DMXL1: variants seen among roughly 807,000 people sequenced by gnomAD.
DMXL1 encodes dmX-like protein 1.
In DMXL1, 99 loss-of-function variants were observed where a neutral mutation model predicts 319.2. That is an observed-to-expected ratio of 0.31 (90% CI 0.26 to 0.37). The LOEUF is 0.37. DMXL1 is among the 10% of genes least tolerant of loss of function. The pLI is 1.00. For synonymous variants in DMXL1, 1,385 were observed against 1,235.2 expected (o/e 1.12, Z -2.54); for missense variants, 3,745 against 3,595.6 (o/e 1.04, Z -1.06).
intron 1 of DMXL1, among the ~76,000 whole-genome samples, chr5:119,081,095 A>G (rs1752093512): frequency 6.6e-6 from 1 of 152,174 alleles, no homozygotes; most frequent in Non-Finnish European, 1.5e-5. Flanking sequence ...TTGCATTCCA[A>G]ACAGCTGGCA....
chr5:119,084,883 A>G (rs1753006166), intron 1 of DMXL1, among the ~76,000 whole-genome samples: 1 of 149,674 alleles, frequency 6.7e-6, no homozygotes, highest in South Asian at 2.1e-4. Flanking sequence ...AAAAAAAAAG[A>G]TCCTAAAATT....
At position 119,170,902 on chromosome 5, in the gene DMXL1, C is replaced by A. The variant is rs1774412659; in HGVS notation, c.6111C>A (p.Leu2037=). The change falls in exon 24 of 44, where the codon CTC becomes CTA. Residue 2037 remains leucine, a synonymous_variant. Transcript: ENST00000539542. ...QLKFRACLKI[L]TVELRTLSTG... ...AATTTAGAGCATGTTTAAAGATTCTCACAGTAGAACTTCGTACTTTATCTA... is the reference window on the plus strand; with the variant it reads ...AATTTAGAGCATGTTTAAAGATTCTAACAGTAGAACTTCGTACTTTATCTA... 1.2e-6 allele frequency: 2 copies of A among 1,612,824 alleles called. No individual in the cohort carries two copies.
intron 29 of DMXL1, among the ~76,000 whole-genome samples, chr5:119,192,958 A>G (rs1778953322): frequency 6.6e-6 from 1 of 152,122 alleles, no homozygotes; most frequent in South Asian, 2.1e-4. Context: ...TGTTCTCCAA[A>G]TCTATCAGCA....
At chr5:119,219,870 G>C (rs1319181092) in intron 35 of DMXL1, among the ~76,000 whole-genome samples, 1 of 152,022 alleles carries the variant, frequency 6.6e-6, no homozygotes, top group Non-Finnish European at 1.5e-5. Flanking sequence ...CCCCAGCCAA[G>C]ATGTACATTT....
At chr5:119,175,468 G>C in intron 26 of DMXL1, 131 bp downstream of exon 26, 3 of 617,318 alleles carry the variant, frequency 4.9e-6, no homozygotes, top group Non-Finnish European at 7.8e-6. Context: ...TTGAGGTTTT[G>C]AGTACTTTTT....
At chr5:119,132,798 T>C in intron 10 of DMXL1, 1 of 549,954 alleles carries the variant, frequency 1.8e-6, no homozygotes, top group Non-Finnish European at 3.6e-6. Context: ...ACTTGGTAGG[T>C]GTTATGGTAA....
At chr5:119,203,616 A>G (rs1411788249) in intron 33 of DMXL1, among the ~76,000 whole-genome samples, 180 bp downstream of exon 33, 1 of 151,976 alleles carries the variant, frequency 6.6e-6, no homozygotes, top group Non-Finnish European at 1.5e-5. Flanking sequence ...AATCAATTTA[A>G]TTAATTCAAA....
At chr5:119,219,545 G>T (rs1052071483) in intron 35 of DMXL1, among the ~76,000 whole-genome samples, 1 of 151,136 alleles carries the variant, frequency 6.6e-6, no homozygotes, top group Non-Finnish European at 1.5e-5. Flanking sequence ...CTGTTTCAAA[G>T]ATACACATTT....
chr5:119,135,900 G>GCTATAA lies in DMXL1; in HGVS notation c.2376+1511_2376+1512insCTATAA, dbSNP rs1239140679. Among the ~76,000 whole-genome samples the GCTATAA allele has an allele frequency of 8.5e-5, 13 of 152,172 alleles. No homozygotes were observed. The East Asian group carries it at 2.3e-3, about 27-fold the overall frequency. ...ACTACAGATAATTGGTACCAGGAGTGGGGCACTGCTATAAGGATAACCCAA... is the reference window on the plus strand; with the variant it reads ...ACTACAGATAATTGGTACCAGGAGTGCTATAAGGGCACTGCTATAAGGATAACCCAA... On this transcript the variant is annotated intron_variant, in intron 13 of 43. Coordinates refer to ENST00000539542, the MANE Select transcript of DMXL1 (RefSeq NM_001290321.3).
At chr5:119,093,573 A>G (rs1755279350) in intron 1 of DMXL1, among the ~76,000 whole-genome samples, 1 of 152,228 alleles carries the variant, frequency 6.6e-6, no homozygotes. Flanking sequence ...ATGAATAGTG[A>G]CAACCCTACA....
At chr5:119,142,900 G>A (rs1049154635) in intron 13 of DMXL1, among the ~76,000 whole-genome samples, 2 of 152,074 alleles carry the variant, frequency 1.3e-5, no homozygotes, top group African/African-American at 4.8e-5. Flanking sequence ...CATGGGTGGA[G>A]CTGGCATTCA....
chr5:119,148,617 A>G, intron 17 of DMXL1, 122 bp from the exon 18 acceptor site: 1 of 924,228 alleles, frequency 1.1e-6, no homozygotes, highest in South Asian at 1.7e-5. Context: ...TACAGCCAAG[A>G]TGCCCCTTTG....
intron 1 of DMXL1, among the ~76,000 whole-genome samples, chr5:119,084,969 G>A (rs1222248949): frequency 6.6e-6 from 1 of 151,430 alleles, no homozygotes; most frequent in Non-Finnish European, 1.5e-5. Flanking sequence ...TTTTTTGTGT[G>A]TCTGCATCAA....
chr5:119,083,653 T>C (rs566395697), intron 1 of DMXL1, among the ~76,000 whole-genome samples: 1 of 152,202 alleles, frequency 6.6e-6, no homozygotes, highest in Non-Finnish European at 1.5e-5. Flanking sequence ...GCGATTCTCC[T>C]GCCTCTGCCT....
At chr5:119,118,163 AAGG>A (rs1325228666) in intron 7 of DMXL1, among the ~76,000 whole-genome samples, 1 of 152,202 alleles carries the variant, frequency 6.6e-6, no homozygotes, top group Non-Finnish European at 1.5e-5. Context: ...AAGGATGACT[AAGG>A]AGGGGGAAGT....
At chr5:119,123,196 G>T (rs1028386028) in intron 9 of DMXL1, among the ~76,000 whole-genome samples, 2 of 151,896 alleles carry the variant, frequency 1.3e-5, no homozygotes, top group African/African-American at 4.8e-5. Flanking sequence ...GCAGGCACTC[G>T]GCAGGCTGAG....
intron 37 of DMXL1, among the ~76,000 whole-genome samples, chr5:119,223,526 A>G (rs1034830168): frequency 6.6e-6 from 1 of 152,184 alleles, no homozygotes; most frequent in Non-Finnish European, 1.5e-5. Flanking sequence ...TACCATAGGC[A>G]TAACACTAAG....
At chr5:119,121,998 G>A (rs1449292383) in intron 9 of DMXL1, among the ~76,000 whole-genome samples, 11 of 141,766 alleles carry the variant, frequency 7.8e-5, no homozygotes, top group Admixed American at 2.8e-4. Context: ...GGGCAGAGGC[G>A]CCCCTCACCT....
In DMXL1 at chr5:119,189,777, A is replaced by G; in HGVS notation, c.7205A>G (p.Glu2402Gly). The G allele has an allele frequency of 6.2e-7, 1 of 1,614,140 alleles. No individual in the cohort carries two copies. The highest frequency in any genetic ancestry group is 1.3e-5 in the African/African-American group (1 of 75,050). ...AGGCCGTCAAAAATGTCTTGCAGAG[A>G]ATCTGCCCCACTGACCCCTTCCTCG... ...RFRPSKMSCR[E>G]SAPLTPSSAP... Residue 2402 changes from glutamate to glycine, a missense_variant, in exon 29 of 44, where the codon GAA (glutamate) becomes GGA (glycine). Physicochemically the swap from Glu to Gly is moderately conservative, Grantham distance 98. Coordinates refer to ENST00000539542, the MANE Select transcript of DMXL1 (RefSeq NM_001290321.3).
Sources: allele counts gnomAD v4.1 joint callset (sites outside exome capture counted in the v4.1 genomes callset), GRCh38; gene constraint gnomAD v4.1.1; transcripts MANE v1.5; gene names NCBI Gene and HGNC (gene_info 2026-07-23, HGNC 2026-07-21).